Variants in DLGAP1 observed in about 807,000 individuals in gnomAD.
DLGAP1 encodes disks large-associated protein 1.
Under a neutral mutation model 90.8 loss-of-function variants are expected in DLGAP1, and 11 were observed. The ratio of observed to expected loss-of-function variants is 0.12; its 90% CI spans 0.08 to 0.20. The LOEUF (loss-of-function observed/expected upper bound fraction) is 0.20. DLGAP1 is among the 10% of genes least tolerant of loss of function. DLGAP1 has a pLI of 1.00. For missense variants in DLGAP1, 1,050 were observed against 1,333.8 expected, an observed-to-expected ratio of 0.79 and a Z score of 3.31; for synonymous variants, 558 against 540.7, an observed-to-expected ratio of 1.03 and a Z score of -0.44.
intron 1 of DLGAP1, among the ~76,000 whole-genome samples, chr18:4,343,518 C>T (rs1177100355): frequency 6.6e-6 from 1 of 152,030 alleles, no homozygotes; most frequent in African/African-American, 2.4e-5. Flanking sequence ...AACAGCCAAA[C>T]TCTGATATTA....
intron 9 of DLGAP1, among the ~76,000 whole-genome samples, chr18:3,551,223 C>T (rs1044132327): frequency 6.7e-6 from 1 of 148,532 alleles, no homozygotes; most frequent in African/African-American, 2.5e-5. Context: ...CTTCCAAGTC[C>T]TTTTGAATTT....
At chr18:3,655,784 A>G (rs1267874701) in intron 7 of DLGAP1, 1 of 335,320 alleles carries the variant, frequency 3.0e-6, no homozygotes, top group Non-Finnish European at 5.4e-6. Flanking sequence ...TCCAGCCTCA[A>G]ATAAGGCCAC....
At chr18:4,393,291 C>CT (rs140238841) in intron 1 of DLGAP1, among the ~76,000 whole-genome samples, 18,947 of 152,176 alleles carry the variant, frequency 0.12, 1,607 homozygotes, top group Non-Finnish European at 0.17. Flanking sequence ...CTAGACTCCT[C>CT]TTCTATCGTA....
Position 3,727,982 on chromosome 18 carries a change from A to G in DLGAP1, c.1591+1153T>C, listed in dbSNP as rs993058569. ...CTCCTCTTGTTTAACCCATATATTT[A>G]TTTTAAATAAAATTATCACCTCAAT... is the stretch of plus-strand genomic sequence containing the variant. On this transcript the variant is annotated intron_variant, in intron 7 of 12. Coordinates refer to ENST00000315677, the MANE Select transcript of DLGAP1 (RefSeq NM_004746.4). This position sits in a 1 kb window ranked among gnomAD's most constrained non-coding sequence, Gnocchi z 4.7. The G allele has an allele frequency of 6.6e-6, 1 of 152,076 alleles. No individual in the cohort carries two copies. Among genetic ancestry groups the G allele is most frequent in the Non-Finnish European group, 1.5e-5 (1 of 68,008 alleles). 9.4% of individuals were successfully genotyped at this position (152,076 alleles called of 1,614,324 possible).
At chr18:4,430,122 G>A (rs2083252219) in intron 1 of DLGAP1, among the ~76,000 whole-genome samples, 1 of 152,206 alleles carries the variant, frequency 6.6e-6, no homozygotes, top group African/African-American at 2.4e-5. Flanking sequence ...GGAGGGCGCT[G>A]AGATTAGGAA....
intron 5 of DLGAP1, among the ~76,000 whole-genome samples, chr18:3,767,606 G>T (rs2064311588): frequency 6.6e-6 from 1 of 151,916 alleles, no homozygotes; most frequent in Non-Finnish European, 1.5e-5. Context: ...GAAATGCAAG[G>T]CCCGTTCCAT....
At chr18:4,072,463 A>T (rs1276691389) in intron 2 of DLGAP1, among the ~76,000 whole-genome samples, 1 of 128,052 alleles carries the variant, frequency 7.8e-6, no homozygotes, top group East Asian at 2.5e-4. Flanking sequence ...CATCATTTTC[A>T]ACATCATTAT....
intron 3 of DLGAP1, among the ~76,000 whole-genome samples, chr18:3,934,023 CAGT>C (rs2072579278): frequency 6.6e-6 from 1 of 152,192 alleles, no homozygotes; most frequent in Non-Finnish European, 1.5e-5. Context: ...CTGCCACACT[CAGT>C]AGGCAGCAGC....
intron 2 of DLGAP1, among the ~76,000 whole-genome samples, chr18:4,082,011 C>T (rs2075614897): frequency 6.6e-6 from 1 of 151,496 alleles, no homozygotes; most frequent in Non-Finnish European, 1.5e-5. Flanking sequence ...TGTTTGAGAC[C>T]AGCCTGGCCA....
At chr18:4,381,778 A>AG (rs560153271) in intron 1 of DLGAP1, among the ~76,000 whole-genome samples, 66 of 152,272 alleles carry the variant, frequency 4.3e-4, no homozygotes, top group African/African-American at 1.4e-3. Flanking sequence ...CTAAGGTTCC[A>AG]GGCACTTGCT....
intron 1 of DLGAP1, among the ~76,000 whole-genome samples, chr18:4,376,907 A>C (rs2072792693): frequency 1.3e-5 from 2 of 152,194 alleles, no homozygotes; most frequent in Non-Finnish European, 2.9e-5. Flanking sequence ...CTTAAAATAT[A>C]ATTTCCTTGA....
chr18:4,014,820 G>A (rs1237084190), intron 2 of DLGAP1, among the ~76,000 whole-genome samples: 1 of 152,166 alleles, frequency 6.6e-6, no homozygotes, highest in Non-Finnish European at 1.5e-5. Flanking sequence ...AGACACTGCG[G>A]AAGTATTTTT....
intron 4 of DLGAP1, among the ~76,000 whole-genome samples, chr18:3,861,176 T>C (rs2070029073): frequency 6.6e-6 from 1 of 152,196 alleles, no homozygotes; most frequent in Non-Finnish European, 1.5e-5. Context: ...AAAACTCCTT[T>C]ACAAAAAATC....
At chr18:3,567,690 A>C (rs1467048802) in intron 8 of DLGAP1, 109 bp from the exon 9 acceptor site, 47 of 941,288 alleles carry the variant, frequency 5.0e-5, no homozygotes, top group Non-Finnish European at 7.5e-5. Flanking sequence ...AATGTTTTGT[A>C]ATTTATAACC....
intron 1 of DLGAP1, among the ~76,000 whole-genome samples, chr18:4,203,166 T>C (rs913067385): frequency 1.5e-4 from 23 of 151,736 alleles, no homozygotes; most frequent in Non-Finnish European, 1.8e-4. Flanking sequence ...TCCCAGCTAC[T>C]TGAGAGGCTG....
At chr18:4,390,990 C>CTGTT (rs2082329731) in intron 1 of DLGAP1, among the ~76,000 whole-genome samples, 3 of 152,156 alleles carry the variant, frequency 2.0e-5, no homozygotes, top group Admixed American at 2.0e-4. Context: ...ACAGAATGGT[C>CTGTT]ATATACCTTA....
intron 1 of DLGAP1, among the ~76,000 whole-genome samples, chr18:4,405,658 A>G (rs2082647085): frequency 6.6e-6 from 1 of 152,102 alleles, no homozygotes; most frequent in South Asian, 2.1e-4. Flanking sequence ...TCTTACACTT[A>G]ATACAAAGTG....
At chr18:4,258,823 C>A (rs989581199) in intron 1 of DLGAP1, among the ~76,000 whole-genome samples, 4 of 151,952 alleles carry the variant, frequency 2.6e-5, no homozygotes, top group Non-Finnish European at 5.9e-5. Context: ...TTGCCTTTTC[C>A]TACTCTTTGG....
At chr18:3,956,267 T>C (rs1372373435) in intron 3 of DLGAP1, among the ~76,000 whole-genome samples, 1 of 152,226 alleles carries the variant, frequency 6.6e-6, no homozygotes, top group Non-Finnish European at 1.5e-5. Context: ...TTTTTAAATC[T>C]GGAAATCTAT....
Sources: gnomAD v4.1 joint callset for allele counts (sites outside exome capture counted in the v4.1 genomes callset) on GRCh38, gnomAD v4.1.1 for gene constraint, Gnocchi (gnomAD v3.1) non-coding constraint, MANE v1.5 for transcripts, NCBI Gene and HGNC (gene_info 2026-07-23, HGNC 2026-07-21) for gene names.